SNX29: variants seen among roughly 807,000 people sequenced by gnomAD.
SNX29 encodes the protein sorting nexin-29.
In SNX29, 78 loss-of-function variants were observed where a neutral mutation model predicts 102.1. That is an observed-to-expected ratio of 0.76 (90% CI 0.64 to 0.92). SNX29 has a LOEUF of 0.92. Ranked by LOEUF, SNX29 falls within the 40% of genes least tolerant of loss-of-function variation. SNX29 has a pLI of 0.00. For synonymous variants in SNX29, 580 were observed against 414.5 expected (o/e 1.40, Z -4.85); for missense variants, 1,280 against 1,061.7 (o/e 1.21, Z -2.86).
At chr16:12,198,088 G>A (rs1405388952) in intron 13 of SNX29, among the ~76,000 whole-genome samples, 3 of 152,080 alleles carry the variant, frequency 2.0e-5, no homozygotes, top group East Asian at 3.9e-4. Context: ...TAAGTGAGAC[G>A]ACCAGTCTCA....
At chr16:12,262,098 T>G (rs538272997) in intron 14 of SNX29, among the ~76,000 whole-genome samples, 1 of 148,446 alleles carries the variant, frequency 6.7e-6, no homozygotes, top group South Asian at 2.1e-4. Flanking sequence ...CCGGCTGAAG[T>G]AAGTGTTTGC....
intron 20 of SNX29, among the ~76,000 whole-genome samples, chr16:12,525,590 G>T (rs1345036291): frequency 6.6e-6 from 1 of 151,942 alleles, no homozygotes; most frequent in African/African-American, 2.4e-5. Context: ...TACTTGGGAG[G>T]CTGAGGCAGG....
chr16:12,285,363 C>G (rs911644295), intron 15 of SNX29, among the ~76,000 whole-genome samples: 1 of 152,182 alleles, frequency 6.6e-6, no homozygotes, highest in Admixed American at 6.5e-5. Context: ...TTCCATATGG[C>G]AGGGCTCAGC....
intron 11 of SNX29, among the ~76,000 whole-genome samples, chr16:12,113,365 G>A (rs1239010637): frequency 6.6e-6 from 1 of 152,106 alleles, no homozygotes; most frequent in Non-Finnish European, 1.5e-5. Context: ...GCTGGAACCT[G>A]GCCCCTCCTG....
chr16:12,406,221 C>T (rs1597263848), intron 18 of SNX29, among the ~76,000 whole-genome samples: 1 of 152,166 alleles, frequency 6.6e-6, no homozygotes, highest in South Asian at 2.1e-4. Flanking sequence ...TACACAGTTG[C>T]ACTCATTGAT....
intron 16 of SNX29, among the ~76,000 whole-genome samples, chr16:12,361,186 G>T (rs2082289626): frequency 6.6e-6 from 1 of 152,182 alleles, no homozygotes; most frequent in African/African-American, 2.4e-5. Context: ...AGTGGGGTAG[G>T]TCTTGAAGGT....
intron 14 of SNX29, among the ~76,000 whole-genome samples, chr16:12,201,862 A>G (rs549933192): frequency 6.6e-6 from 1 of 152,350 alleles, no homozygotes; most frequent in South Asian, 2.1e-4. Flanking sequence ...CCTCAGCGCT[A>G]CACAATGCAT....
chr16:12,407,118 A>AT (rs1386329704), intron 18 of SNX29, among the ~76,000 whole-genome samples: 1 of 152,118 alleles, frequency 6.6e-6, no homozygotes. Flanking sequence ...CCAAGTCAGG[A>AT]TTTAGAAGGA....
intron 20 of SNX29, among the ~76,000 whole-genome samples, chr16:12,548,329 C>T (rs1388081309): frequency 6.6e-6 from 1 of 152,180 alleles, no homozygotes; most frequent in Admixed American, 6.5e-5. Flanking sequence ...GGCTTGGTGC[C>T]TCCATGGGGA....
chr16:12,079,473 A>G (rs1277647369), intron 11 of SNX29, among the ~76,000 whole-genome samples: 1 of 152,090 alleles, frequency 6.6e-6, no homozygotes, highest in Non-Finnish European at 1.5e-5. Context: ...CATTTGTCCC[A>G]TGGCCTCCCC....
In SNX29 at chr16:12,307,864, A is replaced by G. The variant is rs58432527; in HGVS notation, c.1782+29828A>G. The stretch of plus-strand genomic sequence containing the variant: ...TCTCATGGTGACGTTCACTTCCCCA[A>G]TGACCCTGACCTTCTGAACTCCTGG... On this transcript the variant is annotated intron_variant, in intron 15 of 20. Coordinates refer to ENST00000566228, the MANE Select transcript of SNX29 (RefSeq NM_032167.5). 8.0e-3 allele frequency among the ~76,000 whole-genome samples: 1,218 copies of G among 152,292 alleles called. 21 individuals carry two copies. Among genetic ancestry groups the G allele is most frequent in the African/African-American group, 0.027 (1,140 of 41,558 alleles).
chr16:12,453,878 A>T (rs1344798292), intron 18 of SNX29, among the ~76,000 whole-genome samples: 2 of 152,226 alleles, frequency 1.3e-5, no homozygotes, highest in African/African-American at 2.4e-5. Context: ...CTGGCCTTCC[A>T]TCAAGATGTG....
chr16:12,061,707 G>T (rs966199501), intron 9 of SNX29, 61 bp downstream of exon 9: 3 of 1,428,966 alleles, frequency 2.1e-6, no homozygotes, highest in South Asian at 2.5e-5. Context: ...GAACCAGCAG[G>T]AATGTCTGAG....
Position 12,408,177 on chromosome 16 carries a change from C to CA in SNX29, c.2037+4658dup, listed in dbSNP as rs559151631. Among the ~76,000 whole-genome samples the CA allele has an allele frequency of 8.6e-4, 115 of 133,536 alleles. 1 individual carries two copies. The highest frequency in any genetic ancestry group is 1.9e-3 in the African/African-American group (56 of 30,152). The allele number at this position is 133,536 out of a possible 152,430, so 87.6% of individuals were successfully genotyped here. A position where few individuals can be genotyped will look rare whatever the true frequency, so the allele number is the denominator to read the frequency against. ...CTTCTCAAAAAAACAAACAAACAAA[C>CA]AAAAAAAAAACTAGAAGCAGCTGGG... On this transcript the variant is annotated intron_variant, in intron 18 of 20. Transcript: ENST00000566228.
Position 12,337,682 on chromosome 16 carries a change from C to T in SNX29, c.1783-18481C>T, listed in dbSNP as rs182404359. On this transcript the variant is annotated intron_variant, in intron 15 of 20. Transcript: ENST00000566228. ...AAGAAGAATACTTGCAAACATGTGA[C>T]CCATTTGCCCCAGATTTTATGGACG... 1.9e-3 allele frequency among the ~76,000 whole-genome samples: 284 copies of T among 152,226 alleles called. 2 individuals carry two copies. Among genetic ancestry groups the T allele is most frequent in the African/African-American group, 6.5e-3 (269 of 41,538 alleles).
intron 13 of SNX29, among the ~76,000 whole-genome samples, chr16:12,138,472 T>A (rs1468383874): frequency 6.6e-6 from 1 of 152,066 alleles, no homozygotes; most frequent in Admixed American, 6.6e-5. Flanking sequence ...CCTCCTAAAG[T>A]GCTGGGCTTA....
intron 14 of SNX29, among the ~76,000 whole-genome samples, chr16:12,240,474 G>A (rs2078068107): frequency 6.7e-6 from 1 of 148,896 alleles, no homozygotes; most frequent in Non-Finnish European, 1.5e-5. Context: ...CAGTTTTTTA[G>A]TATTGAGTCT....
At chr16:12,455,431 T>C (rs1239356125) in intron 18 of SNX29, among the ~76,000 whole-genome samples, 1 of 152,150 alleles carries the variant, frequency 6.6e-6, no homozygotes, top group African/African-American at 2.4e-5. Flanking sequence ...TGGCTGTAAC[T>C]GACCTCTAGG....
chr16:12,300,944 C>T (rs1449791877), intron 15 of SNX29, among the ~76,000 whole-genome samples: 1 of 152,166 alleles, frequency 6.6e-6, no homozygotes, highest in African/African-American at 2.4e-5. Flanking sequence ...AAATACCCTC[C>T]TTTGAGGACC....
Sources: gnomAD v4.1 joint callset for allele counts (sites outside exome capture counted in the v4.1 genomes callset) on GRCh38, gnomAD v4.1.1 for gene constraint, MANE v1.5 for transcripts, NCBI Gene and HGNC (gene_info 2026-07-23, HGNC 2026-07-21) for gene names.